The following PTPRG variants were observed in gnomAD, a reference collection of about 807,000 sequenced individuals.
PTPRG encodes the protein receptor-type tyrosine-protein phosphatase gamma.
A neutral mutation model predicts 165.3 loss-of-function variants in PTPRG; 102 were observed. That is an observed-to-expected ratio of 0.62 (90% CI 0.53 to 0.73). PTPRG has a LOEUF of 0.73. PTPRG is among the 30% of genes least tolerant of loss of function. PTPRG has a pLI of 0.00. For synonymous variants in PTPRG, 675 were observed against 669.5 expected (o/e 1.01, Z -0.13); for missense variants, 1,866 against 1,861.4 (o/e 1.00, Z -0.05).
intron 2 of PTPRG, among the ~76,000 whole-genome samples, chr3:61,806,562 G>A (rs187437574): frequency 1.3e-4 from 20 of 151,024 alleles, no homozygotes; most frequent in Admixed American, 6.6e-4. Flanking sequence ...TTGTACTTCT[G>A]GATTTATATT....
At chr3:61,887,128 A>AG (rs2038063827) in intron 2 of PTPRG, among the ~76,000 whole-genome samples, 1 of 11,334 alleles carries the variant, frequency 8.8e-5, no homozygotes, top group East Asian at 2.2e-3. Context: ...GCATGCATAT[A>AG]TATATATATA....
chr3:61,844,244 G>A (rs1009729821), intron 2 of PTPRG, among the ~76,000 whole-genome samples: 21 of 152,196 alleles, frequency 1.4e-4, no homozygotes, highest in African/African-American at 7.2e-5. Flanking sequence ...GATTACAGGC[G>A]TGAGCCACCA....
chr3:61,776,231 A>C (rs1369443039), intron 2 of PTPRG, among the ~76,000 whole-genome samples: 1 of 152,060 alleles, frequency 6.6e-6, no homozygotes, highest in Non-Finnish European at 1.5e-5. Context: ...TTGCTAAGGG[A>C]ATGGAACTGC....
At chr3:61,976,357 T>C (rs995770454) in intron 2 of PTPRG, among the ~76,000 whole-genome samples, 1 of 152,208 alleles carries the variant, frequency 6.6e-6, no homozygotes, top group African/African-American at 2.4e-5. Context: ...GGTCAGAAAT[T>C]GGATGACAGT....
chr3:62,028,595 G>T (rs775891945), intron 4 of PTPRG, among the ~76,000 whole-genome samples: 1 of 152,208 alleles, frequency 6.6e-6, no homozygotes, highest in Non-Finnish European at 1.5e-5. Context: ...CATCAAGGAG[G>T]TCGGGTCACA....
chr3:61,606,808 C>T (rs922066627), intron 1 of PTPRG, among the ~76,000 whole-genome samples: 6 of 152,170 alleles, frequency 3.9e-5, no homozygotes, highest in Admixed American at 3.3e-4. Context: ...CAGGGAGGAG[C>T]CCTCAGGGCC....
At chr3:61,643,168 T>G (rs138397752) in intron 1 of PTPRG, among the ~76,000 whole-genome samples, 2 of 152,154 alleles carry the variant, frequency 1.3e-5, no homozygotes. Flanking sequence ...TGAAAGTCTG[T>G]AGTCTCAGCT....
chr3:61,949,155 C>G (rs2039836497), intron 2 of PTPRG, among the ~76,000 whole-genome samples: 1 of 151,408 alleles, frequency 6.6e-6, no homozygotes, highest in Non-Finnish European at 1.5e-5. Context: ...TAGAGTATGA[C>G]CTGATGGCTT....
At chr3:61,873,538 C>T (rs2037642019) in intron 2 of PTPRG, among the ~76,000 whole-genome samples, 1 of 152,058 alleles carries the variant, frequency 6.6e-6, no homozygotes, top group South Asian at 2.1e-4. Flanking sequence ...GCATTTCTTA[C>T]TTTTAGATAG....
intron 2 of PTPRG, among the ~76,000 whole-genome samples, chr3:61,904,712 A>C (rs2038596863): frequency 6.6e-6 from 1 of 152,194 alleles, no homozygotes; most frequent in Non-Finnish European, 1.5e-5. Flanking sequence ...AGGTGGCTTA[A>C]CAAAGGTGTA....
chr3:61,718,230 C>T (rs1392775952), intron 1 of PTPRG, among the ~76,000 whole-genome samples: 7 of 119,058 alleles, frequency 5.9e-5, no homozygotes, highest in Non-Finnish European at 9.3e-5. Flanking sequence ...AAAAAAAAAA[C>T]GCAGACTCAG....
In PTPRG at chr3:61,812,278, C is replaced by CCATT. The variant is rs71782952; in HGVS notation, c.190+63325_190+63328dup. Among the ~76,000 whole-genome samples the CCATT allele has an allele frequency of 9.3e-3, 1,353 of 144,756 alleles. 4 individuals carry two copies. The highest frequency in any genetic ancestry group is 0.015 in the East Asian group (53 of 3,428). 95.0% of individuals were successfully genotyped at this position (144,756 alleles called of 152,430 possible). ...GAGGGTAGTTTAGCAGTGGTCCTGACCATTCATTCATTCATTCATTCATTC... is the reference window on the plus strand; with the variant it reads ...GAGGGTAGTTTAGCAGTGGTCCTGACCATTCATTCATTCATTCATTCATTCATTC... On this transcript the variant is annotated intron_variant, in intron 2 of 29. Coordinates refer to ENST00000474889, the MANE Select transcript of PTPRG (RefSeq NM_002841.4).
chr3:62,290,977 TC>T (rs1702867787), intron 28 of PTPRG, among the ~76,000 whole-genome samples: 1 of 152,044 alleles, frequency 6.6e-6, no homozygotes, highest in African/African-American at 2.4e-5. Flanking sequence ...GAGAAACAGA[TC>T]GGGGGGCAAA....
chr3:61,691,549 T>C (rs192168370), intron 1 of PTPRG, among the ~76,000 whole-genome samples: 4 of 152,202 alleles, frequency 2.6e-5, no homozygotes, highest in African/African-American at 4.8e-5. Context: ...GAAAAATGAC[T>C]AAAATGGTAT....
In PTPRG at chr3:62,025,329, G is replaced by A. The variant is rs185507187; in HGVS notation, c.519+21832G>A. 1.2e-3 allele frequency among the ~76,000 whole-genome samples: 188 copies of A among 152,270 alleles called. 1 individual carries two copies. Among genetic ancestry groups the A allele is most frequent in the African/African-American group, 4.2e-3 (176 of 41,570 alleles). ...TGCTTTACATTTTGCTTTGGTGTTC[G>A]AGAAACCTTGGCAAAAGGACTGGGA... On this transcript the variant is annotated intron_variant, in intron 4 of 29. Transcript: ENST00000474889.
At chr3:61,748,519 C>T (rs902698972) in intron 1 of PTPRG, among the ~76,000 whole-genome samples, 2 of 152,146 alleles carry the variant, frequency 1.3e-5, no homozygotes, top group Non-Finnish European at 1.5e-5. Context: ...AGTTAAAGTT[C>T]TTTCTGTTGT....
intron 1 of PTPRG, among the ~76,000 whole-genome samples, chr3:61,686,438 A>G (rs1703634576): frequency 6.6e-6 from 1 of 152,192 alleles, no homozygotes; most frequent in Non-Finnish European, 1.5e-5. Flanking sequence ...CTTAGACGTC[A>G]CTATTGGGGA....
At chr3:62,208,353 A>C (rs1700280014) in intron 12 of PTPRG, among the ~76,000 whole-genome samples, 1 of 152,232 alleles carries the variant, frequency 6.6e-6, no homozygotes, top group African/African-American at 2.4e-5. Context: ...AGCATACCCT[A>C]CAAAAACATT....
intron 2 of PTPRG, among the ~76,000 whole-genome samples, chr3:61,857,475 T>G (rs995061789): frequency 5.3e-5 from 8 of 152,170 alleles, no homozygotes; most frequent in African/African-American, 9.7e-5. Context: ...ACTAGAGAGA[T>G]AACTAAGTGG....
Sources: gnomAD v4.1 joint callset for allele counts (sites outside exome capture counted in the v4.1 genomes callset) on GRCh38, gnomAD v4.1.1 for gene constraint, MANE v1.5 for transcripts, NCBI Gene and HGNC (gene_info 2026-07-23, HGNC 2026-07-21) for gene names.